The following DUOX2 variants were observed in gnomAD, a reference collection of about 807,000 sequenced individuals.
The protein encoded by DUOX2 is NADH/NADPH thyroid oxidase p138-tox.
A neutral mutation model predicts 183.3 loss-of-function variants in DUOX2; 185 were observed. The ratio of observed to expected loss-of-function variants is 1.01; its 90% confidence interval spans 0.90 to 1.14. The LOEUF is 1.14. DUOX2 is among the 50% of genes most tolerant of loss of function. DUOX2 has a pLI of 0.00. For missense variants in DUOX2, 1,999 were observed against 2,022.9 expected, an observed-to-expected ratio of 0.99 and a Z score of 0.23; for synonymous variants, 788 against 812.4, an observed-to-expected ratio of 0.97 and a Z score of 0.51.
In DUOX2 at chr15:45,095,581, T is replaced by C; in HGVS notation, c.4095A>G (p.Gly1365=). 1 of 1,613,912 alleles carries C rather than the reference T, an allele frequency of 6.2e-7. No individual in the cohort carries two copies. Among genetic ancestry groups the C allele is most frequent in the Non-Finnish European group, 8.5e-7 (1 of 1,179,958 alleles). ...ACTCCTGATGGCCCTCTCCAAACGGTCCATCAAGGTACAGCTGCCAAGAGA... is the reference window on the plus strand; with the variant it reads ...ACTCCTGATGGCCCTCTCCAAACGGCCCATCAAGGTACAGCTGCCAAGAGA... The part of the protein sequence containing the change: ...CAGYPKLYLD[G]PFGEGHQEWH... The change falls in exon 31 of 34, where the codon GGA becomes GGG. Residue 1365 remains glycine, a synonymous_variant. Transcript: ENST00000389039.
chr15:45,102,457 C>T (rs779913066), intron 20 of DUOX2, among the ~76,000 whole-genome samples: 7 of 152,294 alleles, frequency 4.6e-5, no homozygotes, highest in African/African-American at 7.2e-5. Context: ...GGGGCACAGG[C>T]GGGAGCGTCT....
At chr15:45,104,426 A>G (rs1171356858) in intron 18 of DUOX2, 61 bp from the exon 19 acceptor site, 3 of 1,574,232 alleles carry the variant, frequency 1.9e-6, no homozygotes, top group African/African-American at 2.7e-5. Flanking sequence ...TGCTGGAAGC[A>G]GTTCAGTGAC....
At chr15:45,110,356 C>A in intron 9 of DUOX2, 72 bp downstream of exon 9, 1 of 1,425,640 alleles carries the variant, frequency 7.0e-7, no homozygotes, top group South Asian at 1.4e-5. Flanking sequence ...GTGTGAAAGG[C>A]CCCAGCCCCC....
chr15:45,105,763 C>G lies in DUOX2; in HGVS notation c.2214G>C (p.Val738=). 1 of 1,614,234 alleles carries G rather than the reference C, an allele frequency of 6.2e-7. No homozygotes were observed. Among genetic ancestry groups the G allele is most frequent in the Non-Finnish European group, 8.5e-7 (1 of 1,180,042 alleles). Residue 738 remains valine (V), a synonymous_variant, in exon 18 of 34, where the codon GTG becomes GTC. Transcript: ENST00000389039. ...AFVQQLWDFC[V]RWALGLHVAE... ...CCACATGGAGGCCCAGAGCCCAGCG[C>G]ACGCAGAAGTCCCATAGCTGCTGCA...
rs375734139 is a variant in DUOX2 at position 45,109,965 on chromosome 15, A to G, written c.1056T>C (p.His352=). The G allele has an allele frequency of 1.5e-4, 236 of 1,613,974 alleles. No homozygotes were observed. Among genetic ancestry groups the G allele is most frequent in the Non-Finnish European group, 1.9e-4 (227 of 1,180,010 alleles). ...AACCCTTGTTCAGGACCTTCCGGAA[A>G]TGACAGCTGGCATTTCTGAAATTGA... ...PGVYMRNASC[H]FRKVLNKGFQ... Residue 352 remains histidine (H), a synonymous_variant, in exon 10 of 34, where the codon CAT becomes CAC. Coordinates refer to ENST00000389039, the MANE Select transcript of DUOX2 (RefSeq NM_001363711.2).
rs143471358 is a variant in DUOX2, at chr15:45,097,255, G to T, written c.3830C>A (p.Ala1277Glu). Residue 1277 changes from alanine (A) to glutamate (E), a missense_variant, in exon 29 of 34, where the codon GCG becomes GAG. Transcript: ENST00000389039. ...CCTGATACCTGAGGGCAGCAGCTCCGCCTTCACCACGCTGATCTCCACCTT... is the reference window on the plus strand; with the variant it reads ...CCTGATACCTGAGGGCAGCAGCTCCTCCTTCACCACGCTGATCTCCACCTT... ...RKKVEISVVK[A>E]ELLPSGVTYL... is the part of the protein sequence containing the mutation. 6.2e-7 allele frequency: 1 copy of T among 1,614,048 alleles called. No homozygotes were observed. The highest frequency in any genetic ancestry group is 1.3e-5 in the African/African-American group (1 of 74,928).
rs888124822 is a variant in DUOX2 at position 45,096,135 on chromosome 15, C to G, written c.3848-75G>C. On this transcript the variant is annotated intron_variant, in intron 29 of 33. Coordinates refer to ENST00000389039, the MANE Select transcript of DUOX2 (RefSeq NM_001363711.2). ...TACCTGAGGACTGATAGGCACCTGTCCTCTTCACACCCCTGAGGCCTGGGG... is the reference window on the plus strand; with the variant it reads ...TACCTGAGGACTGATAGGCACCTGTGCTCTTCACACCCCTGAGGCCTGGGG... 2.5e-5 allele frequency: 32 copies of G among 1,271,620 alleles called. No individual in the cohort carries two copies. In the Admixed American group the frequency reaches 5.1e-4, roughly 20 times the overall value. The allele number at this position is 1,271,620 out of a possible 1,614,324, so 78.8% of individuals were successfully genotyped here.
intron 3 of DUOX2, 32 bp downstream of exon 3, chr15:45,112,955 G>C: frequency 6.2e-7 from 1 of 1,610,072 alleles, no homozygotes; most frequent in Non-Finnish European, 8.5e-7. Flanking sequence ...CGCGAGCCAC[G>C]GCCCCAGCAC....
Position 45,111,402 on chromosome 15 carries a change from C to G in DUOX2, c.697G>C (p.Gly233Arg), listed in dbSNP as rs1894396848. Residue 233 changes from glycine (G) to arginine (R), a missense_variant, in exon 6 of 34, where the codon GGG becomes CGG. By Grantham distance (125) the Gly-to-Arg change is moderately radical. Around this residue, in one of 3 missense-constraint regions of DUOX2, gnomAD observed 356 missense variants for 356.4 expected, o/e 1.00. Coordinates refer to ENST00000389039, the MANE Select transcript of DUOX2 (RefSeq NM_001363711.2). Reference sequence around the variant, plus strand: ...GCCTCACCGTACAGCCCCCGGGGCCCGTTCTGCCCGGTGGCGGGGTCGGGC... The same window carrying G: ...GCCTCACCGTACAGCCCCCGGGGCCGGTTCTGCCCGGTGGCGGGGTCGGGC... ...AAPDPATGQN[G>R]PRGLYAFGAE... The G allele has an allele frequency of 2.5e-5, 37 of 1,463,920 alleles. No individual in the cohort carries two copies. The highest frequency in any genetic ancestry group is 3.0e-5 in the Non-Finnish European group (33 of 1,110,142). The allele number at this position is 1,463,920 out of a possible 1,614,324, so 90.7% of individuals were successfully genotyped here.
In DUOX2 at chr15:45,099,733, T is replaced by C; in HGVS notation, c.3344A>G (p.Asn1115Ser). 6.2e-7 allele frequency: 1 copy of C among 1,614,164 alleles called. No homozygotes were observed. Among genetic ancestry groups the C allele is most frequent in the South Asian group, 1.1e-5 (1 of 91,080 alleles). Residue 1115 changes from asparagine (N) to serine (S), a missense_variant, in exon 25 of 34, where the codon AAC (asparagine) becomes AGC (serine). Asn to Ser is a conservative substitution (Grantham distance 46). Transcript: ENST00000389039. ...TGCGGCATCAAAAGGCACATAGCGG[T>C]TGAGGAAAGTCTCTCGCAGGAAGGT... ...LITFLRETFLNRYVPFDAAVD... is the reference protein window; with the variant it reads ...LITFLRETFLSRYVPFDAAVD...
chr15:45,097,508 A>G (rs1271114645), intron 28 of DUOX2, 106 bp downstream of exon 28: 1 of 1,612,458 alleles, frequency 6.2e-7, no homozygotes, highest in South Asian at 1.1e-5. Context: ...GGGGTCTTAA[A>G]TCTCAAAGTC....
At position 45,095,932 on chromosome 15, in the gene DUOX2, C is replaced by T. The variant is rs1036027188; in HGVS notation, c.3976G>A (p.Glu1326Lys). 3 of 1,613,882 alleles carry T rather than the reference C, an allele frequency of 1.9e-6. No individual in the cohort carries two copies. Among genetic ancestry groups the T allele is most frequent in the South Asian group, 2.2e-5 (2 of 91,066 alleles). ...HPFTLTSAPHEDTLSLHIRAV... is the reference protein window; with the variant it reads ...HPFTLTSAPHKDTLSLHIRAV... Reference sequence around the variant, plus strand: ...CGGATGTGCAGGCTGAGTGTGTCCTCATGGGGCGCGGAGGTCAGTGTGAAG... The same window carrying T: ...CGGATGTGCAGGCTGAGTGTGTCCTTATGGGGCGCGGAGGTCAGTGTGAAG... The change falls in exon 30 of 34, where the codon GAG (glutamate) becomes AAG (lysine). Residue 1326 changes from glutamate to lysine, a missense_variant. Glu to Lys is a moderately conservative substitution (Grantham distance 56). Around this residue, in one of 3 missense-constraint regions of DUOX2, gnomAD observed 1,628 missense variants for 1,608.6 expected, o/e 1.01. Coordinates refer to ENST00000389039, the MANE Select transcript of DUOX2 (RefSeq NM_001363711.2).
intron 20 of DUOX2, among the ~76,000 whole-genome samples, 196 bp from the exon 21 acceptor site, chr15:45,102,185 T>C (rs1167113629): frequency 6.6e-6 from 1 of 152,150 alleles, no homozygotes; most frequent in African/African-American, 2.4e-5. Flanking sequence ...CAGAACAGAA[T>C]TGAAAGTGAC....
chr15:45,106,712 G>A, intron 15 of DUOX2, 71 bp from the exon 16 acceptor site: 1 of 1,610,124 alleles, frequency 6.2e-7, no homozygotes, highest in South Asian at 1.1e-5. Flanking sequence ...TTAGGCTATG[G>A]CCCCTCCCTT....
In DUOX2 at chr15:45,097,714, A is replaced by G; in HGVS notation, c.3593T>C (p.Val1198Ala). 6.2e-7 allele frequency: 1 copy of G among 1,614,218 alleles called. No individual in the cohort carries two copies. Among genetic ancestry groups the G allele is most frequent in the Non-Finnish European group, 8.5e-7 (1 of 1,180,040 alleles). The part of the protein sequence containing the change: ...PGMTGVLLLL[V>A]LAIMYVFASH... ...GGCGAAGACATACATGATGGCCAGG[A>G]CCAGGAGCAGAAGCACACCTGTCAT... The change falls in exon 28 of 34, where the codon GTC becomes GCC. Residue 1198 changes from valine to alanine, a missense_variant. Coordinates refer to ENST00000389039, the MANE Select transcript of DUOX2 (RefSeq NM_001363711.2).
rs369176278 is a variant in DUOX2, at chr15:45,097,296, C to T, written c.3789G>A (p.Val1263=). The change falls in exon 29 of 34, where the codon GTG becomes GTA. Residue 1263 remains valine (V), a synonymous_variant. Transcript: ENST00000389039. ...TCTCCACCTTCTTCCGGCTCAGGCT[C>T]ACCAGCTTGTCACCTCCATAGATGA... The part of the protein sequence containing the change: ...PAIIYGGDKL[V]SLSRKKVEIS... The T allele has an allele frequency of 1.3e-4, 210 of 1,614,150 alleles. No homozygotes were observed. The highest frequency in any genetic ancestry group is 1.7e-4 in the Non-Finnish European group (197 of 1,180,056).
At chr15:45,112,894 C>A (rs1004632459) in intron 3 of DUOX2, 93 bp downstream of exon 3, 1 of 1,548,916 alleles carries the variant, frequency 6.5e-7, no homozygotes, top group South Asian at 1.1e-5. Context: ...AGCTGCTGGG[C>A]GCGTGTTCCC....
In DUOX2 at chr15:45,100,108, G is replaced by T; in HGVS notation, c.3126C>A (p.Ile1042=). The T allele has an allele frequency of 6.2e-7, 1 of 1,614,220 alleles. No homozygotes were observed. The highest frequency in any genetic ancestry group is 1.3e-5 in the African/African-American group (1 of 75,068). Reference sequence around the variant, plus strand: ...TGGCCGAGAAGATTGCCACACACACGATGTGCCTCCGGTAGTTCTCCACGA... The same window carrying T: ...TGGCCGAGAAGATTGCCACACACACTATGTGCCTCCGGTAGTTCTCCACGA... ...KRFVENYRRH[I]VCVAIFSAIC... The change falls in exon 24 of 34, where the codon ATC becomes ATA. Residue 1042 remains isoleucine, a synonymous_variant. Transcript: ENST00000389039.
At chr15:45,097,437 T>G in intron 28 of DUOX2, 46 bp from the exon 29 acceptor site, 5 of 1,614,034 alleles carry the variant, frequency 3.1e-6, no homozygotes, top group Non-Finnish European at 4.2e-6. Flanking sequence ...GCCAGGCCCC[T>G]GCCCGGCATC....
Sources: gnomAD v4.1 joint callset for allele counts (sites outside exome capture counted in the v4.1 genomes callset) on GRCh38, gnomAD v4.1.1 for gene constraint, gnomAD v4.1.1 regional missense constraint, MANE v1.5 for transcripts, NCBI Gene and HGNC (gene_info 2026-07-23, HGNC 2026-07-21) for gene names.